ZEB1: variants seen among roughly 807,000 people sequenced by gnomAD.
ZEB1 encodes the protein zinc finger E-box binding homeobox 1.
Under a neutral mutation model 84.9 loss-of-function variants are expected in ZEB1, and 21 were observed. The ratio of observed to expected loss-of-function variants is 0.25; its 90% confidence interval spans 0.18 to 0.36. The LOEUF (loss-of-function observed/expected upper bound fraction) is 0.36. Ranked by LOEUF, ZEB1 falls within the 10% of genes least tolerant of loss-of-function variation. The probability of loss-of-function intolerance (pLI) is 1.00; values close to 1 mark genes in which losing one functional copy is unlikely to be tolerated. For missense variants in ZEB1, 1,104 were observed against 1,330.2 expected, an observed-to-expected ratio of 0.83 and a Z score of 2.65; for synonymous variants, 420 against 471.1, an observed-to-expected ratio of 0.89 and a Z score of 1.41.
chr10:31,468,519 C>G (rs1173106104), intron 2 of ZEB1, among the ~76,000 whole-genome samples: 1 of 152,178 alleles, frequency 6.6e-6, no homozygotes, highest in African/African-American at 2.4e-5. Flanking sequence ...GTACACAGCT[C>G]TAAGGAATGA....
intron 1 of ZEB1, among the ~76,000 whole-genome samples, chr10:31,450,620 A>G (rs75826805): frequency 0.033 from 5,038 of 152,240 alleles, 260 homozygotes; most frequent in African/African-American, 0.11. Flanking sequence ...GAAACTAAGC[A>G]TCTTTATCTT....
Position 31,520,898 on chromosome 10 carries a change from C to A in ZEB1, c.1566C>A (p.Ser522Arg), listed in dbSNP as rs564773864. The A allele has an allele frequency of 1.9e-6, 3 of 1,614,050 alleles. No individual in the cohort carries two copies. The African/African-American group carries it at 4.0e-5, about 22-fold the overall frequency. Residue 522 changes from serine to arginine, a missense_variant, in exon 7 of 9, where the codon AGC becomes AGA. Transcript: ENST00000424869. The surrounding 1 kb of genome is among the most constrained non-coding windows in gnomAD (Gnocchi z 5.1). ...DLTVKSEKDKSFEGGVNDSTC... is the reference protein window; with the variant it reads ...DLTVKSEKDKRFEGGVNDSTC... The stretch of plus-strand genomic sequence containing the variant: ...CTGTTAAGTCTGAGAAGGACAAAAG[C>A]TTTGAAGGGGGGGTGAATGATAGCA...
intron 1 of ZEB1, among the ~76,000 whole-genome samples, chr10:31,406,160 C>T (rs2052980586): frequency 6.6e-6 from 1 of 152,018 alleles, no homozygotes; most frequent in Non-Finnish European, 1.5e-5. Context: ...CATACATATG[C>T]GTGTGTCTTT....
At chr10:31,357,027 CTGT>C (rs1461359941) in intron 1 of ZEB1, among the ~76,000 whole-genome samples, 1 of 152,082 alleles carries the variant, frequency 6.6e-6, no homozygotes, top group African/African-American at 2.4e-5. Flanking sequence ...GGCCCATAGG[CTGT>C]TGTTTTATAG....
At position 31,367,500 on chromosome 10, in the gene ZEB1, C is replaced by T. The variant is rs147888159; in HGVS notation, c.58+48208C>T. On this transcript the variant is annotated intron_variant, in intron 1 of 8. Transcript: ENST00000424869. ...TTACTGCACTTTTCTAGGCAGTTTGCAACTATTAACCTAATGTTCACAGCA... is the reference window on the plus strand; with the variant it reads ...TTACTGCACTTTTCTAGGCAGTTTGTAACTATTAACCTAATGTTCACAGCA... 9.1e-3 allele frequency among the ~76,000 whole-genome samples: 1,385 copies of T among 152,238 alleles called. 12 individuals are homozygous for T. The highest frequency in any genetic ancestry group is 0.031 in the African/African-American group (1,295 of 41,528).
chr10:31,491,980 A>T lies in ZEB1; in HGVS notation c.260-3796A>T, dbSNP rs191331345. On this transcript the variant is annotated intron_variant, in intron 2 of 8. Coordinates refer to ENST00000424869, the MANE Select transcript of ZEB1 (RefSeq NM_001174096.2). Reference sequence around the variant, plus strand: ...TTTGAACACATTCAGGTCTGAATTTAGGAATCTGTTGGCATTCGCTTTTTT... The same window carrying T: ...TTTGAACACATTCAGGTCTGAATTTTGGAATCTGTTGGCATTCGCTTTTTT... 3.5e-3 allele frequency among the ~76,000 whole-genome samples: 536 copies of T among 152,100 alleles called. 6 individuals are homozygous for T. Among genetic ancestry groups the T allele is most frequent in the Middle Eastern group, 0.017 (5 of 294 alleles).
chr10:31,382,021 A>AC (rs1554831477), intron 1 of ZEB1, among the ~76,000 whole-genome samples: 6 of 149,850 alleles, frequency 4.0e-5, no homozygotes, highest in Non-Finnish European at 5.9e-5. Context: ...AAAAAAAAAA[A>AC]AAAAAAAAAA....
At chr10:31,318,432 G>T (rs3737180), upstream of ZEB1, 2 of 152,326 alleles carry the variant, frequency 1.3e-5, no homozygotes, top group African/African-American at 4.8e-5. Context: ...GCTCTACTAA[G>T]GAGGCTGCTG....
intron 1 of ZEB1, among the ~76,000 whole-genome samples, chr10:31,394,355 T>C (rs750520326): frequency 6.6e-6 from 1 of 152,174 alleles, no homozygotes; most frequent in Non-Finnish European, 1.5e-5. Context: ...TTGAGAACAG[T>C]GGGAAGACAT....
At chr10:31,352,115 A>C (rs2041410875) in intron 1 of ZEB1, among the ~76,000 whole-genome samples, 1 of 152,152 alleles carries the variant, frequency 6.6e-6, no homozygotes, top group East Asian at 1.9e-4. Context: ...ATCAGACTTT[A>C]TTCTGTTACC....
Position 31,467,649 on chromosome 10 carries a change from C to T in ZEB1, c.259+6412C>T, listed in dbSNP as rs2062611237. ...GGAGCCAGAGGACAAATCCACTGGC[C>T]TGGTCTCAGTTTGCCAGGACTCAAG... On this transcript the variant is annotated intron_variant, in intron 2 of 8. Transcript: ENST00000424869. Among the ~76,000 whole-genome samples, 3 of 152,258 alleles carry T rather than the reference C, an allele frequency of 2.0e-5. No individual in the cohort carries two copies. In the South Asian group the frequency reaches 6.2e-4, roughly 32 times the overall value.
chr10:31,318,891 T>G, upstream of ZEB1: 1 of 380,166 alleles, frequency 2.6e-6, no homozygotes, highest in Non-Finnish European at 5.1e-6. Context: ...AGCCTCCAAC[T>G]TTACCTTTCC....
chr10:31,503,642 C>T (rs2068477606), intron 4 of ZEB1, among the ~76,000 whole-genome samples: 1 of 151,568 alleles, frequency 6.6e-6, no homozygotes, highest in Non-Finnish European at 1.5e-5. Flanking sequence ...TGAGAAATCT[C>T]CGTAGTATTT....
chr10:31,373,928 T>C (rs1167088251), intron 1 of ZEB1, among the ~76,000 whole-genome samples: 1 of 151,794 alleles, frequency 6.6e-6, no homozygotes, highest in Non-Finnish European at 1.5e-5. Flanking sequence ...ATTTTTCTCC[T>C]GAATATATTT....
intron 1 of ZEB1, among the ~76,000 whole-genome samples, chr10:31,352,147 C>T (rs2041421221): frequency 6.6e-6 from 1 of 152,048 alleles, no homozygotes; most frequent in African/African-American, 2.4e-5. Context: ...CTTTTTCAAA[C>T]TTTTAAGCGT....
rs866425528 is a variant in ZEB1, at chr10:31,458,540, C to T, written c.59-2497C>T. ...GTGTGGCTGTTTTTCCATCTTGACA[C>T]GTATTTTCTCATTACTATATTAAAG... On this transcript the variant is annotated intron_variant, in intron 1 of 8. Transcript: ENST00000424869. 1.7e-4 allele frequency among the ~76,000 whole-genome samples: 26 copies of T among 151,998 alleles called. 2 individuals carry two copies. In the South Asian group the frequency reaches 4.8e-3, roughly 28 times the overall value.
intron 2 of ZEB1, among the ~76,000 whole-genome samples, chr10:31,477,246 T>C (rs993575235): frequency 2.6e-5 from 4 of 152,050 alleles, no homozygotes; most frequent in Non-Finnish European, 5.9e-5. Flanking sequence ...CATTTCTGTA[T>C]ACTGTTACTG....
chr10:31,485,862 A>G (rs1240441167), intron 2 of ZEB1, among the ~76,000 whole-genome samples: 1 of 151,870 alleles, frequency 6.6e-6, no homozygotes, highest in African/African-American at 2.4e-5. Context: ...TCATCAGAGC[A>G]CTATCGTGCT....
intron 1 of ZEB1, among the ~76,000 whole-genome samples, chr10:31,382,656 T>A (rs2047904111): frequency 6.6e-6 from 1 of 152,118 alleles, no homozygotes; most frequent in South Asian, 2.1e-4. Flanking sequence ...ACATCTCATA[T>A]TTGAAGAATT....
Sources: allele counts gnomAD v4.1 joint callset (sites outside exome capture counted in the v4.1 genomes callset), GRCh38; gene constraint gnomAD v4.1.1; non-coding constraint Gnocchi (gnomAD v3.1); transcripts MANE v1.5; gene names NCBI Gene and HGNC (gene_info 2026-07-23, HGNC 2026-07-21).